PLA2G5: variants seen among roughly 807,000 people sequenced by gnomAD.
PLA2G5 encodes the protein Ca2+-dependent phospholipase A2.
In PLA2G5, 12 loss-of-function variants were observed where a neutral mutation model predicts 15.9. The ratio of observed to expected loss-of-function variants is 0.76; its 90% CI spans 0.48 to 1.23. The LOEUF (loss-of-function observed/expected upper bound fraction) is 1.23. PLA2G5 is among the 50% of genes most tolerant of loss of function. The pLI is 0.00. For missense variants in PLA2G5, 169 were observed against 177.1 expected, an observed-to-expected ratio of 0.95 and a Z score of 0.26; for synonymous variants, 71 against 71.4, an observed-to-expected ratio of 0.99 and a Z score of 0.03.
Position 20,091,441 on chromosome 1 carries a change from G to A in PLA2G5, c.*749G>A, listed in dbSNP as rs1295662360. ...TTCAGCTTCCAGGCCAGAGAGGGTG[G>A]CATTCAAATCCCAGTGCTGGCTTCT... On this transcript the variant is annotated 3_prime_UTR_variant, in exon 5 of 5. Transcript: ENST00000375108. Among the ~76,000 whole-genome samples the A allele has an allele frequency of 1.3e-5, 2 of 152,174 alleles. No homozygotes were observed. The highest frequency in any genetic ancestry group is 2.1e-4 in the South Asian group (1 of 4,820).
chr1:20,031,099 G>C (rs2012903276), intron 1 of PLA2G5, among the ~76,000 whole-genome samples: 1 of 152,144 alleles, frequency 6.6e-6, no homozygotes, highest in Non-Finnish European at 1.5e-5. Flanking sequence ...ACAGAGAGAG[G>C]GAGAGAGAGA....
chr1:20,065,605 A>G (rs537555448), upstream of PLA2G5, among the ~76,000 whole-genome samples: 5 of 152,238 alleles, frequency 3.3e-5, no homozygotes, highest in East Asian at 9.7e-4. Flanking sequence ...TCTTTTTGAT[A>G]GCTTATTTCT....
At chr1:20,073,105 T>G (rs1353108112) in intron 1 of PLA2G5, among the ~76,000 whole-genome samples, 1 of 152,138 alleles carries the variant, frequency 6.6e-6, no homozygotes, top group Non-Finnish European at 1.5e-5. Context: ...GTGACAGCCT[T>G]TCCTAGGGTT....
chr1:20,075,451 C>A (rs909507898), intron 1 of PLA2G5, among the ~76,000 whole-genome samples: 1 of 152,158 alleles, frequency 6.6e-6, no homozygotes, highest in Non-Finnish European at 1.5e-5. Context: ...AAACATCTAC[C>A]GTGTATCAAC....
chr1:20,033,728 T>C (rs2013095336), intron 1 of PLA2G5, among the ~76,000 whole-genome samples: 1 of 152,090 alleles, frequency 6.6e-6, no homozygotes. Context: ...AGTAAAGGGC[T>C]TGGTGGGGTT....
intron 1 of PLA2G5, among the ~76,000 whole-genome samples, chr1:20,072,218 A>T (rs6696512): frequency 6.6e-6 from 1 of 151,878 alleles, no homozygotes; most frequent in African/African-American, 2.4e-5. Context: ...TCTCCATTTC[A>T]TCGATCACCA....
At chr1:20,051,412 G>T (rs771225262) in intron 1 of PLA2G5, among the ~76,000 whole-genome samples, 6 of 152,206 alleles carry the variant, frequency 3.9e-5, no homozygotes, top group Non-Finnish European at 8.8e-5. Context: ...GAAGACTGAA[G>T]TAATCTTTTT....
upstream of PLA2G5, among the ~76,000 whole-genome samples, chr1:20,065,828 T>C (rs2100498293): frequency 6.6e-6 from 1 of 152,332 alleles, no homozygotes; most frequent in Non-Finnish European, 1.5e-5. Flanking sequence ...ATGGTAACAC[T>C]ATATTTAGCT....
At chr1:20,069,756 G>C (rs551960160), upstream of PLA2G5, among the ~76,000 whole-genome samples, 2 of 152,194 alleles carry the variant, frequency 1.3e-5, no homozygotes, top group Middle Eastern at 3.4e-3. Context: ...GGACACCAAA[G>C]AGCCACAACA....
At chr1:20,031,296 G>C (rs1471549744) in intron 1 of PLA2G5, among the ~76,000 whole-genome samples, 1 of 152,134 alleles carries the variant, frequency 6.6e-6, no homozygotes, top group Non-Finnish European at 1.5e-5. Flanking sequence ...CTAACAGTTG[G>C]AAAAAAGAGG....
chr1:20,056,970 C>A (rs568377243), intron 1 of PLA2G5, among the ~76,000 whole-genome samples: 6 of 152,142 alleles, frequency 3.9e-5, no homozygotes, highest in Non-Finnish European at 7.4e-5. Context: ...GGAATTGGTC[C>A]ATTTCATCTA....
chr1:20,077,605 G>A (rs974702472), intron 1 of PLA2G5, among the ~76,000 whole-genome samples: 7 of 152,230 alleles, frequency 4.6e-5, no homozygotes, highest in Non-Finnish European at 1.0e-4. Flanking sequence ...GACTTACTGA[G>A]CACCTACAGG....
rs2016533122 is a variant in PLA2G5 at position 20,090,803 on chromosome 1, T to C, written c.*111T>C. 8.4e-7 allele frequency: 1 copy of C among 1,187,516 alleles called. No individual in the cohort carries two copies. Among genetic ancestry groups the C allele is most frequent in the Non-Finnish European group, 1.2e-6 (1 of 813,284 alleles). The allele number at this position is 1,187,516 out of a possible 1,614,324, so 73.6% of individuals were successfully genotyped here. A position where few individuals can be genotyped will look rare whatever the true frequency, so the allele number is the denominator to read the frequency against. On this transcript the variant is annotated 3_prime_UTR_variant, in exon 5 of 5. Coordinates refer to ENST00000375108, the MANE Select transcript of PLA2G5 (RefSeq NM_000929.3). Reference sequence around the variant, plus strand: ...GAGGCTCCTAAGTCACAGACCTCAGTCTTTCTCGAAGCTTGGCGGACCCCC... The same window carrying C: ...GAGGCTCCTAAGTCACAGACCTCAGCCTTTCTCGAAGCTTGGCGGACCCCC...
At chr1:20,062,178 C>T (rs1347696667) in intron 2 of PLA2G5, among the ~76,000 whole-genome samples, 3 of 152,214 alleles carry the variant, frequency 2.0e-5, no homozygotes, top group Non-Finnish European at 4.4e-5. Context: ...GGCCATTAAA[C>T]CTCTTTTCTT....
Position 20,070,299 on chromosome 1 carries a change from A to T in PLA2G5, c.-177A>T, listed in dbSNP as rs972574701. 3.0e-6 allele frequency: 3 copies of T among 985,348 alleles called. No individual in the cohort carries two copies. In the Admixed American group the frequency reaches 1.8e-4, roughly 61 times the overall value. The allele number at this position is 985,348 out of a possible 1,614,324, so 61.0% of individuals were successfully genotyped here. On this transcript the variant is annotated 5_prime_UTR_variant, in exon 1 of 5. The change creates a new upstream start codon in the 5' untranslated region. Coordinates refer to ENST00000375108, the MANE Select transcript of PLA2G5 (RefSeq NM_000929.3). ...TCGGTCACTCCCATTCACAGCTTTA[A>T]GATTCTGGAGGCCAAGAATTTGACT...
In PLA2G5 at chr1:20,083,173, C is replaced by A. The variant is rs573914322; in HGVS notation, c.-10-1648C>A. On this transcript the variant is annotated intron_variant, in intron 1 of 4. Coordinates refer to ENST00000375108, the MANE Select transcript of PLA2G5 (RefSeq NM_000929.3). ...CTTTGGCTGTTTGGAGCCCTTGGAG[C>A]AGAGGCTATGGGTGGACAGAACCCT... Among the ~76,000 whole-genome samples, 28 of 151,952 alleles carry A rather than the reference C, an allele frequency of 1.8e-4. 2 individuals are homozygous for A. The highest frequency in any genetic ancestry group is 6.8e-4 in the African/African-American group (28 of 41,240).
chr1:20,054,676 T>C (rs908280680), intron 1 of PLA2G5: 1 of 152,206 alleles, frequency 6.6e-6, no homozygotes, highest in Non-Finnish European at 1.5e-5. Flanking sequence ...TGGGATGTAC[T>C]ATAATTTTTC....
At chr1:20,044,375 G>GT (rs1343986739) in intron 1 of PLA2G5, among the ~76,000 whole-genome samples, 5 of 151,800 alleles carry the variant, frequency 3.3e-5, no homozygotes, top group Admixed American at 6.6e-5. Context: ...GTTGTGGGGG[G>GT]GGTTTGAGGT....
intron 1 of PLA2G5, chr1:20,028,725 C>T (rs77329710): frequency 0.11 from 16,070 of 152,120 alleles, 1,048 homozygotes; most frequent in Admixed American, 0.22. Context: ...TATATATGGG[C>T]CAATTGTTAG....
Sources: gnomAD v4.1 joint callset for allele counts (sites outside exome capture counted in the v4.1 genomes callset) on GRCh38, gnomAD v4.1.1 for gene constraint, MANE v1.5 for transcripts, NCBI Gene and HGNC (gene_info 2026-07-23, HGNC 2026-07-21) for gene names.